CMBL: variants seen among roughly 807,000 people sequenced by gnomAD.
CMBL encodes carboxymethylenebutenolidase homolog (Pseudomonas).
Under a neutral mutation model 28.7 loss-of-function variants are expected in CMBL, and 17 were observed. That is an observed-to-expected ratio of 0.59 (90% confidence interval 0.41 to 0.89). The LOEUF is 0.89. CMBL is among the 40% of genes least tolerant of loss of function. CMBL has a pLI of 0.00. For synonymous variants in CMBL, 106 were observed against 101.6 expected (o/e 1.04, Z -0.26); for missense variants, 310 against 298.5 (o/e 1.04, Z -0.28).
rs13168989 is a variant in CMBL, at chr5:10,289,856, C to T, written c.215+692G>A. The stretch of plus-strand genomic sequence containing the variant: ...CTCATCCTCGGGTTTCCAGCTTCTC[C>T]TTCTGTGAAAACAAAGGAAATCCAG... On this transcript the variant is annotated intron_variant, in intron 2 of 5. Transcript: ENST00000296658. This position sits in a 1 kb window ranked among gnomAD's most constrained non-coding sequence, Gnocchi z 4.3. Among the ~76,000 whole-genome samples the T allele has an allele frequency of 0.65, 98,348 of 151,848 alleles. 34,841 individuals are homozygous for T. Among genetic ancestry groups the T allele is most frequent in the Non-Finnish European group, 0.81 (54,966 of 67,866 alleles).
At chr5:10,304,374 G>A (rs1163148621) in intron 1 of CMBL, among the ~76,000 whole-genome samples, 2 of 151,994 alleles carry the variant, frequency 1.3e-5, no homozygotes, top group African/African-American at 2.4e-5. Flanking sequence ...TGTCTCAAAA[G>A]TATTAGCTAA....
chr5:10,288,663 A>G, intron 2 of CMBL, 134 bp from the exon 3 acceptor site: 4 of 681,996 alleles, frequency 5.9e-6, no homozygotes, highest in Non-Finnish European at 1.0e-5. Context: ...TGTGAAGGCC[A>G]ATTTTGATCG....
At chr5:10,294,164 C>G (rs923835103) in intron 1 of CMBL, among the ~76,000 whole-genome samples, 1 of 152,172 alleles carries the variant, frequency 6.6e-6, no homozygotes, top group African/African-American at 2.4e-5. Flanking sequence ...GGGGAGAGAA[C>G]AGCAGAGAAT....
intron 1 of CMBL, among the ~76,000 whole-genome samples, chr5:10,306,418 G>T (rs190324761): frequency 6.6e-6 from 1 of 152,148 alleles, no homozygotes; most frequent in Non-Finnish European, 1.5e-5. Flanking sequence ...CAAAGTAGGG[G>T]AAGGGAAGGC....
chr5:10,293,554 A>T (rs568698002), intron 1 of CMBL, among the ~76,000 whole-genome samples: 3 of 152,284 alleles, frequency 2.0e-5, no homozygotes, highest in South Asian at 2.1e-4. Flanking sequence ...TGTTAAAACT[A>T]AAAAAAAGAG....
At chr5:10,281,517 T>A (rs1311331319) in intron 5 of CMBL, among the ~76,000 whole-genome samples, 1 of 152,212 alleles carries the variant, frequency 6.6e-6, no homozygotes, top group Non-Finnish European at 1.5e-5. Context: ...CACGCCCAGC[T>A]AAATGACTGC....
chr5:10,285,040 G>C (rs1317812345), intron 4 of CMBL, among the ~76,000 whole-genome samples: 1 of 150,422 alleles, frequency 6.6e-6, no homozygotes, highest in East Asian at 2.0e-4. Flanking sequence ...CTCACTCCCT[G>C]TCATCCAGGT....
At chr5:10,288,262 C>CA (rs1052711789) in intron 3 of CMBL, among the ~76,000 whole-genome samples, 160 bp downstream of exon 3, 2 of 151,386 alleles carry the variant, frequency 1.3e-5, no homozygotes, top group African/African-American at 4.9e-5. Flanking sequence ...AGAGCAAAAA[C>CA]AAAAAAAAAT....
intron 1 of CMBL, among the ~76,000 whole-genome samples, chr5:10,291,101 G>A (rs1057070423): frequency 4.6e-5 from 7 of 152,204 alleles, no homozygotes; most frequent in African/African-American, 1.4e-4. Flanking sequence ...AGATGCTGAC[G>A]GGGCCCAGTG....
Position 10,278,545 on chromosome 5 carries a change from G to C in CMBL, c.*1908C>G, listed in dbSNP as rs3995688. Among the ~76,000 whole-genome samples, 7 of 151,828 alleles carry C rather than the reference G, an allele frequency of 4.6e-5. No homozygotes were observed. Among genetic ancestry groups the C allele is most frequent in the Non-Finnish European group, 7.4e-5 (5 of 67,976 alleles). The stretch of plus-strand genomic sequence containing the variant: ...TGCATAGATGACACCCTGGGCCCCA[G>C]TGAAGGCTTTGGCTCATAGCTCCCT... On this transcript the variant is annotated 3_prime_UTR_variant, in exon 6 of 6. Coordinates refer to ENST00000296658, the MANE Select transcript of CMBL (RefSeq NM_138809.4).
intron 1 of CMBL, among the ~76,000 whole-genome samples, chr5:10,291,673 A>AAAAAAG (rs1746722987): frequency 6.6e-6 from 1 of 152,094 alleles, no homozygotes; most frequent in Non-Finnish European, 1.5e-5. Flanking sequence ...AAACAAAAAA[A>AAAAAAG]AAAAGAAAAG....
intron 1 of CMBL, chr5:10,307,054 A>C (rs2126567978): frequency 6.6e-6 from 1 of 152,314 alleles, no homozygotes; most frequent in Middle Eastern, 3.4e-3. Flanking sequence ...TGTGGGGTGT[A>C]AACTGTCCAG....
intron 1 of CMBL, among the ~76,000 whole-genome samples, chr5:10,305,267 A>G (rs1368270359): frequency 6.6e-6 from 1 of 152,106 alleles, no homozygotes; most frequent in African/African-American, 2.4e-5. Flanking sequence ...ACCAGCACAA[A>G]TGCATGATTC....
intron 1 of CMBL, among the ~76,000 whole-genome samples, chr5:10,295,259 T>A (rs1746789647): frequency 1.3e-5 from 2 of 152,270 alleles, no homozygotes; most frequent in Non-Finnish European, 1.5e-5. Flanking sequence ...AATTTTTGTA[T>A]TTTTAATAGA....
rs547374892 is a variant in CMBL, at chr5:10,297,101, C to T, written c.-19-6320G>A. Among the ~76,000 whole-genome samples the T allele has an allele frequency of 2.0e-4, 30 of 151,364 alleles. No homozygotes were observed. In the East Asian group the frequency reaches 3.9e-3, roughly 20 times the overall value. On this transcript the variant is annotated intron_variant, in intron 1 of 5. Coordinates refer to ENST00000296658, the MANE Select transcript of CMBL (RefSeq NM_138809.4). Reference sequence around the variant, plus strand: ...TTGGGACGCTGAGGCAGGAGAACTGCTTGAACCTGGGAAGCGGAGGTTGCA... The same window carrying T: ...TTGGGACGCTGAGGCAGGAGAACTGTTTGAACCTGGGAAGCGGAGGTTGCA...
intron 1 of CMBL, among the ~76,000 whole-genome samples, chr5:10,298,292 T>C (rs902582341): frequency 6.6e-6 from 1 of 152,152 alleles, no homozygotes; most frequent in African/African-American, 2.4e-5. Flanking sequence ...AAATACTGAA[T>C]ACTTTTTTCT....
chr5:10,290,507 T>G, intron 2 of CMBL, 41 bp downstream of exon 2: 1 of 1,541,338 alleles, frequency 6.5e-7, no homozygotes, highest in Non-Finnish European at 9.0e-7. Flanking sequence ...ACCACTGAAA[T>G]TTGTATGAAT....
intron 1 of CMBL, among the ~76,000 whole-genome samples, chr5:10,304,417 T>C (rs186764888): frequency 2.6e-5 from 4 of 152,280 alleles, no homozygotes; most frequent in African/African-American, 9.6e-5. Context: ...ACCCCTCCTA[T>C]AGCTTATTGA....
chr5:10,302,203 TTCTGTATATACCTTTC>T (rs1426030498), intron 1 of CMBL, among the ~76,000 whole-genome samples: 1 of 152,178 alleles, frequency 6.6e-6, no homozygotes, highest in Non-Finnish European at 1.5e-5. Flanking sequence ...GTACTATATT[TTCTGTATATACCTTTC>T]AGGATTTTAG....
Sources: gnomAD v4.1 joint callset for allele counts (sites outside exome capture counted in the v4.1 genomes callset) on GRCh38, gnomAD v4.1.1 for gene constraint, Gnocchi (gnomAD v3.1) non-coding constraint, MANE v1.5 for transcripts, NCBI Gene and HGNC (gene_info 2026-07-23, HGNC 2026-07-21) for gene names.